The following POLR2B variants were observed in gnomAD, a reference collection of about 807,000 sequenced individuals.
POLR2B encodes DNA-directed RNA polymerase II subunit RPB2.
In POLR2B, 57 loss-of-function variants were observed where a neutral mutation model predicts 144.6. The ratio of observed to expected loss-of-function variants is 0.39; its 90% confidence interval spans 0.32 to 0.49. POLR2B has a LOEUF of 0.49. POLR2B is among the 20% of genes least tolerant of loss of function. The pLI is 0.83. For synonymous variants in POLR2B, 442 were observed against 469.8 expected, an observed-to-expected ratio of 0.94 and a Z score of 0.77; for missense variants, 595 against 1,467.4, an observed-to-expected ratio of 0.41 and a Z score of 9.71.
Position 56,994,384 on chromosome 4 carries a change from G to GT in POLR2B, c.244-13dup, listed in dbSNP as rs769464178. 1.6e-5 allele frequency: 20 copies of GT among 1,275,754 alleles called. No homozygotes were observed. Among genetic ancestry groups the GT allele is most frequent in the African/African-American group, 1.2e-4 (8 of 67,448 alleles). 79.0% of individuals were successfully genotyped at this position (1,275,754 alleles called of 1,614,324 possible). On this transcript the variant is annotated intron_variant, in intron 3 of 24. Coordinates refer to ENST00000314595, the MANE Select transcript of POLR2B (RefSeq NM_000938.3). ...GGAAAAAATTATTTACCCTTTTCAT[G>GT]TTTTTTTGTTTAATTTCAGCCACGA...
At chr4:57,004,020 C>CTT (rs138828073) in intron 7 of POLR2B, among the ~76,000 whole-genome samples, 174 of 72,324 alleles carry the variant, frequency 2.4e-3, no homozygotes, top group Non-Finnish European at 3.0e-3. Context: ...TAAATTAAAT[C>CTT]TTTTTTTTTT....
chr4:57,013,547 C>T (rs73242628), intron 13 of POLR2B, among the ~76,000 whole-genome samples: 11 of 144,998 alleles, frequency 7.6e-5, no homozygotes, highest in African/African-American at 2.1e-4. Context: ...ATTTTTTTTT[C>T]TTTTTTTTTT....
At chr4:57,013,458 G>A (rs1291699087) in intron 13 of POLR2B, among the ~76,000 whole-genome samples, 1 of 152,142 alleles carries the variant, frequency 6.6e-6, no homozygotes, top group African/African-American at 2.4e-5. Context: ...TGCCCAGTTG[G>A]TCTTGAACTC....
chr4:56,979,423 T>C (rs547242879), intron 1 of POLR2B, among the ~76,000 whole-genome samples: 1 of 127,008 alleles, frequency 7.9e-6, no homozygotes, highest in South Asian at 2.9e-4. Flanking sequence ...CCTGGAAATA[T>C]TCCGGGACAG....
chr4:56,980,685 C>T (rs982324820), intron 1 of POLR2B, among the ~76,000 whole-genome samples: 20 of 152,040 alleles, frequency 1.3e-4, no homozygotes, highest in Non-Finnish European at 2.8e-4. Context: ...AAAGTGAGAC[C>T]TTGTCTCAAA....
Position 57,005,736 on chromosome 4 carries a change from T to C in POLR2B, c.1217+17T>C. 1 of 1,606,832 alleles carries C rather than the reference T, an allele frequency of 6.2e-7. No homozygotes were observed. On this transcript the variant is annotated intron_variant, in intron 9 of 24. Coordinates refer to ENST00000314595, the MANE Select transcript of POLR2B (RefSeq NM_000938.3). Reference sequence around the variant, plus strand: ...ATTTAGAGGGTAAGGAATTACAGAATGAAGTCATTAAAGCAGGGAGATTTA... The same window carrying C: ...ATTTAGAGGGTAAGGAATTACAGAACGAAGTCATTAAAGCAGGGAGATTTA...
chr4:57,008,206 GTTTT>G (rs59219952), intron 10 of POLR2B, among the ~76,000 whole-genome samples: 1 of 137,160 alleles, frequency 7.3e-6, no homozygotes, highest in African/African-American at 2.7e-5. Flanking sequence ...CAAGGAATTG[GTTTT>G]TTTTTTTTTT....
Position 57,023,638 on chromosome 4 carries a change from T to C in POLR2B, c.2767-24T>C, listed in dbSNP as rs752318967. 1 of 1,609,902 alleles carries C rather than the reference T, an allele frequency of 6.2e-7. No individual in the cohort carries two copies. The highest frequency in any genetic ancestry group is 1.3e-5 in the African/African-American group (1 of 74,740). ...AGAAAGTAAACCAAATCCACTTAAC[T>C]AACTTATTTTTATATGAATTTAGGT... is the stretch of plus-strand genomic sequence containing the variant. On this transcript the variant is annotated intron_variant, in intron 19 of 24. Transcript: ENST00000314595. This position sits in a 1 kb window ranked among gnomAD's most constrained non-coding sequence, Gnocchi z 4.3.
chr4:56,994,201 AAG>A (rs1466142174), intron 3 of POLR2B, among the ~76,000 whole-genome samples: 1 of 152,220 alleles, frequency 6.6e-6, no homozygotes, highest in African/African-American at 2.4e-5. Context: ...AAGAGGAAAA[AAG>A]AAAGTGATTT....
At chr4:57,029,110 C>A (rs1723825784) in intron 23 of POLR2B, among the ~76,000 whole-genome samples, 1 of 152,046 alleles carries the variant, frequency 6.6e-6, no homozygotes, top group African/African-American at 2.4e-5. Flanking sequence ...GTAAATAGAT[C>A]TTGAGGCTTG....
At chr4:56,997,066 G>T (rs1051241248) in intron 6 of POLR2B, among the ~76,000 whole-genome samples, 2 of 152,026 alleles carry the variant, frequency 1.3e-5, no homozygotes, top group Admixed American at 6.6e-5. Flanking sequence ...GCACACCAGC[G>T]TGGGTGACAG....
At chr4:56,997,601 G>A (rs1722729276) in intron 6 of POLR2B, among the ~76,000 whole-genome samples, 1 of 152,186 alleles carries the variant, frequency 6.6e-6, no homozygotes, top group Non-Finnish European at 1.5e-5. Flanking sequence ...TTGAAAGATG[G>A]TATGGATTTA....
At chr4:56,980,799 T>A (rs544877360) in intron 1 of POLR2B, among the ~76,000 whole-genome samples, 98 of 151,936 alleles carry the variant, frequency 6.5e-4, no homozygotes, top group Non-Finnish European at 1.0e-3. Flanking sequence ...GAGGTTCTTA[T>A]CACTCCACAG....
chr4:57,014,058 T>G (rs1723286584), intron 13 of POLR2B, among the ~76,000 whole-genome samples: 1 of 152,218 alleles, frequency 6.6e-6, no homozygotes, highest in Non-Finnish European at 1.5e-5. Flanking sequence ...TTTCTTGGAC[T>G]TTAGAATACT....
chr4:57,001,086 A>T (rs905973888), intron 7 of POLR2B, among the ~76,000 whole-genome samples: 1 of 152,220 alleles, frequency 6.6e-6, no homozygotes, highest in Non-Finnish European at 1.5e-5. Flanking sequence ...ATTCAAGTTT[A>T]ATCTCTTTTA....
chr4:57,030,175 A>G, intron 23 of POLR2B, 29 bp from the exon 24 acceptor site: 2 of 1,568,838 alleles, frequency 1.3e-6, no homozygotes, highest in Non-Finnish European at 1.8e-6. Flanking sequence ...AAAAATAAGT[A>G]CAAAGTAATA....
chr4:57,006,818 T>C lies in POLR2B; in HGVS notation c.1220T>C (p.Met407Thr), dbSNP rs1480789545. ...GPLLAFLFRG[M>T]FKNLLKEVRI... Reference sequence around the variant, plus strand: ...AATAATACCATTTTATTCGGCAGTATGTTTAAGAATTTGCTTAAAGAAGTG... The same window carrying C: ...AATAATACCATTTTATTCGGCAGTACGTTTAAGAATTTGCTTAAAGAAGTG... The change falls in exon 10 of 25, where the codon ATG becomes ACG. Residue 407 changes from methionine (M) to threonine (T), a missense_variant and splice_region_variant. Physicochemically the swap from Met to Thr is moderately conservative, Grantham distance 81 (BLOSUM62 -1). Coordinates refer to ENST00000314595, the MANE Select transcript of POLR2B (RefSeq NM_000938.3). 6.2e-7 allele frequency: 1 copy of C among 1,604,534 alleles called. No individual in the cohort carries two copies. The highest frequency in any genetic ancestry group is 1.7e-5 in the Admixed American group (1 of 59,862).
At chr4:57,005,467 G>A in intron 8 of POLR2B, 25 bp downstream of exon 8, 2 of 1,523,922 alleles carry the variant, frequency 1.3e-6, no homozygotes, top group South Asian at 2.6e-5. Flanking sequence ...ATTGTTTTAA[G>A]TTCTTTATCA....
chr4:56,994,794 T>A lies in POLR2B; in HGVS notation c.504T>A (p.Asp168Glu). ...ACTGCCTTTTGAATGGCTTGACAGA[T>A]CGTGATCTTTGTGAGTTAAATGAAT... ...STYCLLNGLTDRDLCELNECP... is the reference protein window; with the variant it reads ...STYCLLNGLTERDLCELNECP... The change falls in exon 5 of 25, where the codon GAT (aspartate) becomes GAA (glutamate). Residue 168 changes from aspartate (D) to glutamate (E), a missense_variant. Around this residue, in one of 9 missense-constraint regions of POLR2B, gnomAD observed 251 missense variants for 567.3 expected, o/e 0.44. Coordinates refer to ENST00000314595, the MANE Select transcript of POLR2B (RefSeq NM_000938.3). 1 of 1,613,884 alleles carries A rather than the reference T, an allele frequency of 6.2e-7. No homozygotes were observed.
Sources: allele counts gnomAD v4.1 joint callset (sites outside exome capture counted in the v4.1 genomes callset), GRCh38; gene constraint gnomAD v4.1.1; regional missense constraint gnomAD v4.1.1; non-coding constraint Gnocchi (gnomAD v3.1); transcripts MANE v1.5; gene names NCBI Gene and HGNC (gene_info 2026-07-23, HGNC 2026-07-21).